TGM2: variants seen among roughly 807,000 people sequenced by gnomAD.
The protein encoded by TGM2 is transglutaminase 2.
TGM2 carries 53 observed loss-of-function variants against 75.6 expected under a neutral mutation model. The ratio of observed to expected loss-of-function variants is 0.70; its 90% confidence interval spans 0.56 to 0.88. The LOEUF (loss-of-function observed/expected upper bound fraction) is 0.88, where lower values mean the gene tolerates loss of function less well. Ranked by LOEUF, TGM2 falls within the 40% of genes least tolerant of loss-of-function variation. The pLI is 0.00. For synonymous variants in TGM2, 374 were observed against 381.1 expected (o/e 0.98, Z 0.22); for missense variants, 842 against 928.5 (o/e 0.91, Z 1.21).
intron 12 of TGM2, 96 bp downstream of exon 12, chr20:38,130,997 T>C: frequency 6.3e-7 from 1 of 1,581,326 alleles, no homozygotes; most frequent in East Asian, 2.2e-5. Context: ...GAGGAGGGGA[T>C]TTTCAGCCAG....
At chr20:38,162,735 A>T (rs779460141) in intron 1 of TGM2, among the ~76,000 whole-genome samples, 1 of 152,206 alleles carries the variant, frequency 6.6e-6, no homozygotes, top group African/African-American at 2.4e-5. Flanking sequence ...TTATCCTTTA[A>T]AGGCATATAC....
At chr20:38,138,528 A>G in intron 9 of TGM2, 143 bp from the exon 10 acceptor site, 1 of 1,482,984 alleles carries the variant, frequency 6.7e-7, no homozygotes, top group African/African-American at 1.4e-5. Flanking sequence ...CTGGGCCAGA[A>G]GGACACAGCA....
At position 38,128,324 on chromosome 20, in the gene TGM2, G is replaced by A. The variant is rs1042808953; in HGVS notation, c.*1895C>T. ...ATGGAGCCAGCCTGTGTAGGACCTT[G>A]AATGCCAGTAAAGTTTAAACGCAGG... On this transcript the variant is annotated 3_prime_UTR_variant, in exon 13 of 13. Coordinates refer to ENST00000361475, the MANE Select transcript of TGM2 (RefSeq NM_004613.4). 1.3e-5 allele frequency: 2 copies of A among 152,248 alleles called. No homozygotes were observed. The highest frequency in any genetic ancestry group is 4.1e-4 in the South Asian group (2 of 4,834). 9.4% of individuals were successfully genotyped at this position (152,248 alleles called of 1,614,324 possible). A position where few individuals can be genotyped will look rare whatever the true frequency, so the allele number is the denominator to read the frequency against.
At chr20:38,156,762 A>C (rs1046075047) in intron 2 of TGM2, among the ~76,000 whole-genome samples, 1 of 152,164 alleles carries the variant, frequency 6.6e-6, no homozygotes, top group African/African-American at 2.4e-5. Context: ...CACTTCATGA[A>C]GCACCTGCTT....
chr20:38,151,150 A>G lies in TGM2; in HGVS notation c.434-93T>C, dbSNP rs964905122. The G allele has an allele frequency of 1.9e-5, 17 of 880,096 alleles. No homozygotes were observed. The African/African-American group carries it at 2.3e-4, about 12-fold the overall frequency. 54.5% of individuals were successfully genotyped at this position (880,096 alleles called of 1,614,324 possible). A position where few individuals can be genotyped will look rare whatever the true frequency, so the allele number is the denominator to read the frequency against. Reference sequence around the variant, plus strand: ...GTCAAGGGTGCCAATTCCCTAGGCCAAGCCAGCGTCTCAGGGATCCATCCT... The same window carrying G: ...GTCAAGGGTGCCAATTCCCTAGGCCGAGCCAGCGTCTCAGGGATCCATCCT... On this transcript the variant is annotated intron_variant, in intron 3 of 12. Coordinates refer to ENST00000361475, the MANE Select transcript of TGM2 (RefSeq NM_004613.4).
rs1479307943 is a variant in TGM2, at chr20:38,129,936, G to A, written c.*283C>T. 1 of 505,604 alleles carries A rather than the reference G, an allele frequency of 2.0e-6. No individual in the cohort carries two copies. Among genetic ancestry groups the A allele is most frequent in the Non-Finnish European group, 3.6e-6 (1 of 279,284 alleles). 31.3% of individuals were successfully genotyped at this position (505,604 alleles called of 1,614,324 possible). A position where few individuals can be genotyped will look rare whatever the true frequency, so the allele number is the denominator to read the frequency against. On this transcript the variant is annotated 3_prime_UTR_variant, in exon 13 of 13. Transcript: ENST00000361475. The stretch of plus-strand genomic sequence containing the variant: ...CCAAAGGGCATCTGGGCAGGAGAGG[G>A]AATGTAGGTCTTTCCTCTCTCACCC...
chr20:38,152,957 G>A (rs952350059), intron 3 of TGM2, among the ~76,000 whole-genome samples: 7 of 148,268 alleles, frequency 4.7e-5, no homozygotes, highest in African/African-American at 1.0e-4. Flanking sequence ...GGACACCGGC[G>A]TGTTCCTGTC....
upstream of TGM2, among the ~76,000 whole-genome samples, chr20:38,165,709 C>A (rs888158708): frequency 5.3e-5 from 8 of 151,894 alleles, no homozygotes; most frequent in Non-Finnish European, 1.0e-4. Flanking sequence ...CACGCACACA[C>A]TCACACACAT....
chr20:38,146,474 C>T lies in TGM2; in HGVS notation c.859+243G>A, dbSNP rs1005116610. 9 of 585,898 alleles carry T rather than the reference C, an allele frequency of 1.5e-5. No homozygotes were observed. The East Asian group carries it at 2.1e-4, about 14-fold the overall frequency. The allele number at this position is 585,898 out of a possible 1,614,324, so 36.3% of individuals were successfully genotyped here. A position where few individuals can be genotyped will look rare whatever the true frequency, so the allele number is the denominator to read the frequency against. On this transcript the variant is annotated intron_variant, in intron 6 of 12. Coordinates refer to ENST00000361475, the MANE Select transcript of TGM2 (RefSeq NM_004613.4). ...TTTTTGAGAACGTGGGCTCCAGTGC[C>T]CAAGTTCTCAGCCCTGAGCCCATGC... is the stretch of plus-strand genomic sequence containing the variant.
rs1568700497 is a variant in TGM2, at chr20:38,155,977, CGA to C, written c.301_302del (p.Ser101AlafsTer85). On this transcript the variant is annotated frameshift_variant, in exon 3 of 13. Coordinates refer to ENST00000361475, the MANE Select transcript of TGM2 (RefSeq NM_004613.4). LOFTEE classifies it high-confidence loss of function. ...TVVDQQDCTL[S>X]LQLTTPANAP... ...CGTTGGCCGGGGTGGTGAGCTGCAG[CGA>C]GAGGGTGCAGTCTTGCTGGTCCACC... The C allele has an allele frequency of 6.2e-7, 1 of 1,613,222 alleles. No individual in the cohort carries two copies. Among genetic ancestry groups the C allele is most frequent in the African/African-American group, 1.3e-5 (1 of 74,944 alleles).
intron 3 of TGM2, among the ~76,000 whole-genome samples, chr20:38,151,501 T>A (rs1157840756): frequency 3.9e-5 from 6 of 152,212 alleles, no homozygotes; most frequent in Admixed American, 6.5e-5. Flanking sequence ...CTGGGTAGGC[T>A]ACTTTGCCTT....
chr20:38,161,606 A>C lies in TGM2; in HGVS notation c.11-7T>G. The C allele has an allele frequency of 6.2e-7, 1 of 1,614,094 alleles. No homozygotes were observed. The highest frequency in any genetic ancestry group is 1.1e-5 in the South Asian group (1 of 91,076). Reference sequence around the variant, plus strand: ...CACCTCTCTAAGACCAGCTCTATGGAAACAGAAGGAGACGCATGAGCCTCG... The same window carrying C: ...CACCTCTCTAAGACCAGCTCTATGGCAACAGAAGGAGACGCATGAGCCTCG... On this transcript the variant is annotated splice_polypyrimidine_tract_variant and splice_region_variant and intron_variant, in intron 1 of 12. Coordinates refer to ENST00000361475, the MANE Select transcript of TGM2 (RefSeq NM_004613.4).
intron 10 of TGM2, among the ~76,000 whole-genome samples, chr20:38,135,510 A>G (rs915550478): frequency 4.6e-5 from 7 of 152,060 alleles, no homozygotes; most frequent in Non-Finnish European, 8.8e-5. Context: ...TGGGGAACCC[A>G]TAGCCTTGCT....
At chr20:38,156,267 C>A (rs1301545965) in intron 2 of TGM2, among the ~76,000 whole-genome samples, 178 bp from the exon 3 acceptor site, 1 of 152,258 alleles carries the variant, frequency 6.6e-6, no homozygotes, top group Non-Finnish European at 1.5e-5. Flanking sequence ...AAGGGGGGCT[C>A]AGAACCCCAG....
chr20:38,139,551 C>T lies in TGM2; in HGVS notation c.1203G>A (p.Val401=). The T allele has an allele frequency of 6.2e-7, 1 of 1,614,186 alleles. No homozygotes were observed. The highest frequency in any genetic ancestry group is 8.5e-7 in the Non-Finnish European group (1 of 1,180,034). Residue 401 remains valine, a synonymous_variant, in exon 9 of 13, where the codon GTG becomes GTA. Transcript: ENST00000361475. ...CATCGTCCTGCTGGATCCAGTCTAC[C>T]ACGTCGGCATTGACCTCCGCAAAGA... ...PFVFAEVNAD[V]VDWIQQDDGS...
At chr20:38,153,267 G>A (rs1347588627) in intron 3 of TGM2, among the ~76,000 whole-genome samples, 1 of 152,180 alleles carries the variant, frequency 6.6e-6, no homozygotes. Flanking sequence ...GCTCACGCCT[G>A]TAATCCTAGC....
intron 10 of TGM2, chr20:38,133,675 C>G (rs919654019): frequency 1.1e-4 from 17 of 152,490 alleles, no homozygotes; most frequent in African/African-American, 3.4e-4. Context: ...GTAATCCCAG[C>G]ACTTTGGGAG....
chr20:38,142,907 T>C (rs543264595), intron 6 of TGM2, among the ~76,000 whole-genome samples: 1 of 152,322 alleles, frequency 6.6e-6, no homozygotes, highest in South Asian at 2.1e-4. Flanking sequence ...CTTCAAGGCA[T>C]CGGTGTCTGC....
At chr20:38,165,746 G>C (rs1012437565), upstream of TGM2, among the ~76,000 whole-genome samples, 20 of 151,244 alleles carry the variant, frequency 1.3e-4, no homozygotes, top group African/African-American at 4.9e-4. Flanking sequence ...ACAGAGAGCA[G>C]ACGCAGACAC....
Sources: gnomAD v4.1 joint callset for allele counts (sites outside exome capture counted in the v4.1 genomes callset) on GRCh38, gnomAD v4.1.1 for gene constraint, MANE v1.5 for transcripts, NCBI Gene and HGNC (gene_info 2026-07-23, HGNC 2026-07-21) for gene names.